The following ZMYM5 variants were observed in gnomAD, a reference collection of about 807,000 sequenced individuals.
The protein encoded by ZMYM5 is zinc finger MYM-type protein 5.
Under a neutral mutation model 61.8 loss-of-function variants are expected in ZMYM5, and 41 were observed. The ratio of observed to expected loss-of-function variants is 0.66; its 90% CI spans 0.52 to 0.86. ZMYM5 has a LOEUF of 0.86. ZMYM5 is among the 40% of genes least tolerant of loss of function. The probability of loss-of-function intolerance (pLI) is 0.00; values close to 1 mark genes in which losing one functional copy is unlikely to be tolerated. For synonymous variants in ZMYM5, 257 were observed against 276.4 expected (o/e 0.93, Z 0.70); for missense variants, 706 against 786.7 (o/e 0.90, Z 1.23).
chr13:19,840,858 T>C (rs1047605052), intron 4 of ZMYM5, among the ~76,000 whole-genome samples: 3 of 152,052 alleles, frequency 2.0e-5, no homozygotes, highest in African/African-American at 7.2e-5. Context: ...TTTGTATTTT[T>C]AGTAGAGACG....
intron 6 of ZMYM5, among the ~76,000 whole-genome samples, chr13:19,836,467 G>A (rs900087934): frequency 6.6e-6 from 1 of 151,852 alleles, no homozygotes; most frequent in African/African-American, 2.4e-5. Flanking sequence ...TCTTTTGATA[G>A]TGTCTCTTGC....
rs1228083187 is a variant in ZMYM5, at chr13:19,824,814, T to G, written c.1673A>C (p.Lys558Thr). Residue 558 changes from lysine (K) to threonine (T), a missense_variant, in exon 8 of 8, where the codon AAG becomes ACG. By Grantham distance (78) the Lys-to-Thr change is moderately conservative. This residue lies in a region of ZMYM5 where 226 missense variants were observed against 325.0 expected (regional missense o/e 0.70). Transcript: ENST00000337963. ...CCGTGTATAATAAGTTTCTGAAAACTTCCTCCCTGTATTATCTTTTGGAAA... is the reference window on the plus strand; with the variant it reads ...CCGTGTATAATAAGTTTCTGAAAACGTCCTCCCTGTATTATCTTTTGGAAA... The part of the protein sequence containing the change: ...FNFPKDNTGR[K>T]FSETYYTRIL... 7.4e-7 allele frequency: 1 copy of G among 1,352,176 alleles called. No homozygotes were observed. Among genetic ancestry groups the G allele is most frequent in the Admixed American group, 2.0e-5 (1 of 49,678 alleles). 83.8% of individuals were successfully genotyped at this position (1,352,176 alleles called of 1,614,324 possible).
chr13:19,825,288 A>G, intron 7 of ZMYM5, 53 bp from the exon 8 acceptor site: 1 of 1,178,208 alleles, frequency 8.5e-7, no homozygotes, highest in Non-Finnish European at 1.1e-6. Context: ...TTAAAAATTA[A>G]TGTATATTCA....
At chr13:19,840,914 T>C (rs1324351444) in intron 4 of ZMYM5, among the ~76,000 whole-genome samples, 3 of 151,622 alleles carry the variant, frequency 2.0e-5, no homozygotes, top group East Asian at 3.9e-4. Flanking sequence ...CCTGACCTCA[T>C]GATCCACCCG....
intron 7 of ZMYM5, among the ~76,000 whole-genome samples, chr13:19,834,994 CTTTTTTT>C (rs71070250): frequency 1.4e-5 from 2 of 140,622 alleles, no homozygotes; most frequent in African/African-American, 2.6e-5. Flanking sequence ...CATTTTCTTT[CTTTTTTT>C]TTTTTTTTGA....
chr13:19,851,566 T>A, intron 3 of ZMYM5, 118 bp from the exon 4 acceptor site: 1 of 1,538,352 alleles, frequency 6.5e-7, no homozygotes, highest in Non-Finnish European at 8.9e-7. Flanking sequence ...ATGTAATAAT[T>A]ATGTTCACAT....
intron 4 of ZMYM5, among the ~76,000 whole-genome samples, chr13:19,841,014 A>G (rs1303480571): frequency 1.5e-5 from 2 of 129,630 alleles, no homozygotes; most frequent in South Asian, 4.8e-4. Context: ...TTTTTTTGAG[A>G]CAGAGTCTTG....
intron 4 of ZMYM5, among the ~76,000 whole-genome samples, chr13:19,850,314 A>C (rs1953240500): frequency 6.6e-6 from 1 of 152,152 alleles, no homozygotes; most frequent in African/African-American, 2.4e-5. Context: ...AAAAACTAAA[A>C]TCAGGCCAGT....
intron 1 of ZMYM5, among the ~76,000 whole-genome samples, chr13:19,863,135 C>G (rs7322762): frequency 0.91 from 136,726 of 150,460 alleles, 63,567 homozygotes; most frequent in Non-Finnish European, 1. Context: ...CCCCCCGCCA[C>G]TATGCGGCAG....
chr13:19,828,043 AT>A, intron 7 of ZMYM5, among the ~76,000 whole-genome samples: 1 of 132,314 alleles, frequency 7.6e-6, no homozygotes, highest in Admixed American at 8.3e-5. Flanking sequence ...AAAAAAAAAG[AT>A]GTATAAAATG....
At chr13:19,829,752 G>A (rs1220089748) in intron 7 of ZMYM5, among the ~76,000 whole-genome samples, 1 of 152,090 alleles carries the variant, frequency 6.6e-6, no homozygotes, top group Non-Finnish European at 1.5e-5. Flanking sequence ...ACACCACCAT[G>A]CCCAGCACTT....
rs1953801028 is a variant in ZMYM5, at chr13:19,862,388, AAAC to A, written c.-11+8_-11+10del. On this transcript the variant is annotated splice_region_variant and intron_variant, in intron 2 of 7. Transcript: ENST00000337963. ...ACAGCAAAGCGGGGTAAAAAAAAAAAAACAACTCACAATGGAGATATTTCCTTC... is the reference window on the plus strand; with the variant it reads ...ACAGCAAAGCGGGGTAAAAAAAAAAAAACTCACAATGGAGATATTTCCTTC... 1 of 152,120 alleles carries A rather than the reference AAAC, an allele frequency of 6.6e-6. No individual in the cohort carries two copies. Among genetic ancestry groups the A allele is most frequent in the African/African-American group, 2.4e-5 (1 of 41,370 alleles). The allele number at this position is 152,120 out of a possible 1,614,324, so 9.4% of individuals were successfully genotyped here.
intron 1 of ZMYM5, among the ~76,000 whole-genome samples, chr13:19,862,838 C>T (rs546921957): frequency 2.0e-5 from 3 of 152,338 alleles, no homozygotes; most frequent in Non-Finnish European, 4.4e-5. Context: ...TCAGAGGTAA[C>T]GGGCGGCGCG....
chr13:19,852,729 T>A (rs913812212), intron 2 of ZMYM5, among the ~76,000 whole-genome samples: 1 of 152,206 alleles, frequency 6.6e-6, no homozygotes, highest in African/African-American at 2.4e-5. Flanking sequence ...AAAATAAAAT[T>A]ATCAAAACTC....
At chr13:19,831,128 A>ATTTTT (rs34690985) in intron 7 of ZMYM5, among the ~76,000 whole-genome samples, 1 of 136,304 alleles carries the variant, frequency 7.3e-6, no homozygotes, top group African/African-American at 2.8e-5. Context: ...CACCCAGCCT[A>ATTTTT]TTTTTTTTTT....
At chr13:19,851,474 G>C (rs188438024) in intron 3 of ZMYM5, 26 bp from the exon 4 acceptor site, 2 of 1,609,394 alleles carry the variant, frequency 1.2e-6, no homozygotes, top group South Asian at 2.2e-5. Context: ...TGGGGTGTAC[G>C]TTTGTATATT....
chr13:19,838,372 C>T (rs545233377), intron 5 of ZMYM5, among the ~76,000 whole-genome samples: 3 of 152,150 alleles, frequency 2.0e-5, no homozygotes, highest in South Asian at 2.1e-4. Flanking sequence ...AGTGAGACTC[C>T]GTCTCAAAAA....
chr13:19,826,966 A>T (rs1468540811), intron 7 of ZMYM5, among the ~76,000 whole-genome samples: 1 of 152,216 alleles, frequency 6.6e-6, no homozygotes, highest in East Asian at 1.9e-4. Flanking sequence ...TGAAAATAGT[A>T]TGACACATGA....
chr13:19,859,167 C>G (rs949251266), intron 2 of ZMYM5, among the ~76,000 whole-genome samples: 4 of 152,084 alleles, frequency 2.6e-5, no homozygotes, highest in Non-Finnish European at 5.9e-5. Context: ...ACTTGATTCC[C>G]AGAGAGCTGG....
Sources: gnomAD v4.1 joint callset for allele counts (sites outside exome capture counted in the v4.1 genomes callset) on GRCh38, gnomAD v4.1.1 for gene constraint, gnomAD v4.1.1 regional missense constraint, MANE v1.5 for transcripts, NCBI Gene and HGNC (gene_info 2026-07-23, HGNC 2026-07-21) for gene names.